Variants in KLF8 observed in about 807,000 individuals in gnomAD.
KLF8 encodes Krueppel-like factor 8.
A neutral mutation model predicts 18.2 loss-of-function variants in KLF8; 10 were observed. That is an observed-to-expected ratio of 0.55 (90% CI 0.34 to 0.93). KLF8 has a LOEUF of 0.93. Ranked by LOEUF, KLF8 falls within the 40% of genes least tolerant of loss-of-function variation. The pLI is 0.02. For missense variants in KLF8, 264 were observed against 277.9 expected (o/e 0.95, Z 0.36); for synonymous variants, 109 against 97.3 (o/e 1.12, Z -0.71).
chrX:56,042,592 T>C, the KLF8 span, among the ~76,000 whole-genome samples: 1 of 112,328 alleles, frequency 8.9e-6, no homozygotes, highest in Non-Finnish European at 1.9e-5. Context: ...CATTATGTAA[T>C]GCCCTTCTTT....
the KLF8 span, among the ~76,000 whole-genome samples, chrX:56,082,922 T>C: frequency 1.8e-5 from 2 of 112,276 alleles, no homozygotes; most frequent in East Asian, 5.6e-4. Flanking sequence ...GGGGATCTTT[T>C]ATATGTGACA....
At chrX:56,123,269 G>GAAA in the KLF8 span, among the ~76,000 whole-genome samples, 3 of 39,852 alleles carry the variant, frequency 7.5e-5, no homozygotes, top group Non-Finnish European at 1.7e-4. Flanking sequence ...AAGAAAGAAA[G>GAAA]AAAAAGAAAG....
chrX:56,113,690 A>G, the KLF8 span, among the ~76,000 whole-genome samples: 1 of 108,421 alleles, frequency 9.2e-6, no homozygotes, highest in Non-Finnish European at 1.9e-5. Context: ...ATCGGTTTTG[A>G]ATTTGAGAAC....
At chrX:56,116,634 G>GATATATATAT in the KLF8 span, among the ~76,000 whole-genome samples, 542 of 78,088 alleles carry the variant, frequency 6.9e-3, 3 homozygotes, top group African/African-American at 0.013. Flanking sequence ...ATGATGTTCT[G>GATATATATAT]ATATATATAT....
At chrX:56,088,183 C>G in the KLF8 span, among the ~76,000 whole-genome samples, 1 of 110,823 alleles carries the variant, frequency 9.0e-6, no homozygotes, top group East Asian at 2.8e-4. Context: ...GAATAATTCA[C>G]CAGAAGCAAT....
the KLF8 span, among the ~76,000 whole-genome samples, chrX:56,049,167 C>G: frequency 9.0e-6 from 1 of 111,506 alleles, no homozygotes; most frequent in East Asian, 2.8e-4. Context: ...AGATTTTGGG[C>G]TGAGACGATG....
chrX:56,206,133 A>G, the KLF8 span, among the ~76,000 whole-genome samples: 1 of 111,140 alleles, frequency 9.0e-6, no homozygotes, highest in African/African-American at 3.3e-5. Context: ...CTATGATTCA[A>G]TTATCTCCAC....
the KLF8 span, among the ~76,000 whole-genome samples, chrX:56,043,541 TCTGC>T: frequency 1.4e-3 from 154 of 111,960 alleles, no homozygotes; most frequent in African/African-American, 4.6e-3. Flanking sequence ...TCTGTTTTTC[TCTGC>T]CTGTCTTATT....
chrX:55,917,991 A>G, the KLF8 span, among the ~76,000 whole-genome samples: 1 of 112,178 alleles, frequency 8.9e-6, no homozygotes. Context: ...TTTTAAACAC[A>G]TAAATTAGGA....
At chrX:56,191,680 A>G in the KLF8 span, among the ~76,000 whole-genome samples, 5 of 112,101 alleles carry the variant, frequency 4.5e-5, no homozygotes, top group African/African-American at 1.6e-4. Context: ...CATCGTATCA[A>G]CAAAATGAAT....
chrX:56,102,407 T>C, the KLF8 span, among the ~76,000 whole-genome samples: 1 of 111,925 alleles, frequency 8.9e-6, no homozygotes, highest in African/African-American at 3.2e-5. Context: ...TCTGTTCTTT[T>C]TCCTTAGGAT....
chrX:56,072,987 A>AT, the KLF8 span, among the ~76,000 whole-genome samples: 4,084 of 83,890 alleles, frequency 0.049, 269 homozygotes, highest in African/African-American at 0.15. Context: ...TTCGCTTAGC[A>AT]TTTTTTTTTT....
the KLF8 span, among the ~76,000 whole-genome samples, chrX:56,115,884 C>T: frequency 3.6e-5 from 4 of 112,039 alleles, no homozygotes; most frequent in African/African-American, 9.7e-5. Context: ...AAGTACCATA[C>T]CTAAGGTCAC....
In KLF8 at chrX:56,233,209, C is replaced by T; in HGVS notation, c.-126C>T. Reference sequence around the variant, plus strand: ...CAAGAACGAGAAGACGAGAACGCGTCGCCCTGCGCTATGTCAGAATGGGGC... The same window carrying T: ...CAAGAACGAGAAGACGAGAACGCGTTGCCCTGCGCTATGTCAGAATGGGGC... On this transcript the variant is annotated 5_prime_UTR_variant, in exon 1 of 6. Transcript: ENST00000468660. The T allele has an allele frequency of 1.3e-6, 1 of 788,386 alleles. No homozygotes were observed. Among genetic ancestry groups the T allele is most frequent in the African/African-American group, 2.0e-5 (1 of 49,286 alleles). 65.0% of individuals were successfully genotyped at this position (788,386 alleles called of 1,213,427 possible). A position where few individuals can be genotyped will look rare whatever the true frequency, so the allele number is the denominator to read the frequency against.
the KLF8 span, among the ~76,000 whole-genome samples, chrX:55,979,355 C>A: frequency 1.2e-4 from 13 of 111,719 alleles, no homozygotes; most frequent in Admixed American, 1.2e-3. Context: ...TGCTTAACAG[C>A]TTTCTCAGTT....
At chrX:56,203,683 G>A in the KLF8 span, among the ~76,000 whole-genome samples, 1 of 111,728 alleles carries the variant, frequency 9.0e-6, no homozygotes, top group African/African-American at 3.2e-5. Flanking sequence ...TGAAGAGATG[G>A]TCCATTCCCC....
At chrX:56,116,045 A>C in the KLF8 span, among the ~76,000 whole-genome samples, 89 of 113,036 alleles carry the variant, frequency 7.9e-4, no homozygotes, top group African/African-American at 2.6e-3. Flanking sequence ...TTTGTATAGA[A>C]CAGCATTTCT....
the KLF8 span, among the ~76,000 whole-genome samples, chrX:56,193,756 A>G: frequency 1.8e-5 from 2 of 111,614 alleles, no homozygotes; most frequent in African/African-American, 6.5e-5. Context: ...ATTTATGGGA[A>G]CTAAAAATTG....
chrX:56,121,842 A>T, the KLF8 span, among the ~76,000 whole-genome samples: 2 of 112,256 alleles, frequency 1.8e-5, no homozygotes, highest in Non-Finnish European at 3.8e-5. Context: ...ACTCCTACTT[A>T]ATCCCAGGAA....
Sources: gnomAD v4.1 joint callset for allele counts (sites outside exome capture counted in the v4.1 genomes callset) on GRCh38, gnomAD v4.1.1 for gene constraint, MANE v1.5 for transcripts, NCBI Gene and HGNC (gene_info 2026-07-23, HGNC 2026-07-21) for gene names.